CSMD1: variants seen among roughly 807,000 people sequenced by gnomAD.
The protein encoded by CSMD1 is CUB and Sushi multiple domains 1.
In CSMD1, 213 loss-of-function variants were observed where a neutral mutation model predicts 417.5. The ratio of observed to expected loss-of-function variants is 0.51; its 90% CI spans 0.46 to 0.57. CSMD1 has a LOEUF of 0.57. Among genes scored for constraint, CSMD1 ranks in the 20% least tolerant of loss-of-function variants. The pLI, the probability that CSMD1 is intolerant of heterozygous loss-of-function variation, is 0.00. For synonymous variants in CSMD1, 2,862 were observed against 1,736.8 expected (o/e 1.65, Z -16.11); for missense variants, 6,923 against 4,529.7 (o/e 1.53, Z -15.17).
At chr8:3,770,983 G>A (rs1798538132) in intron 5 of CSMD1, among the ~76,000 whole-genome samples, 1 of 149,266 alleles carries the variant, frequency 6.7e-6, no homozygotes, top group African/African-American at 2.5e-5. Context: ...ATGTTAATTT[G>A]GACAGTTTCT....
At chr8:3,842,087 C>G (rs1047618216) in intron 5 of CSMD1, among the ~76,000 whole-genome samples, 4 of 152,188 alleles carry the variant, frequency 2.6e-5, no homozygotes, top group Non-Finnish European at 4.4e-5. Context: ...CTAAATGTAA[C>G]TGGAAAACAC....
At chr8:3,537,359 TGTTTA>T (rs1798248066) in intron 10 of CSMD1, among the ~76,000 whole-genome samples, 1 of 152,198 alleles carries the variant, frequency 6.6e-6, no homozygotes, top group South Asian at 2.1e-4. Flanking sequence ...TTTTTATTGT[TGTTTA>T]GTGTACTTTT....
At chr8:4,326,190 G>T (rs1234818995) in intron 3 of CSMD1, among the ~76,000 whole-genome samples, 1 of 152,164 alleles carries the variant, frequency 6.6e-6, no homozygotes, top group African/African-American at 2.4e-5. Flanking sequence ...GCTCCCTGGG[G>T]ATGCCAATGC....
At chr8:3,923,708 C>G (rs2954612) in intron 5 of CSMD1, among the ~76,000 whole-genome samples, 20,510 of 152,124 alleles carry the variant, frequency 0.13, 1,677 homozygotes, top group East Asian at 0.31. Context: ...CAATAAATCT[C>G]TAGTTCTTAT....
chr8:4,786,147 C>A (rs1445387000), intron 1 of CSMD1, among the ~76,000 whole-genome samples: 1 of 152,156 alleles, frequency 6.6e-6, no homozygotes, highest in Non-Finnish European at 1.5e-5. Flanking sequence ...TGGATTTTAA[C>A]AGCCACTTAT....
chr8:4,764,915 C>G (rs1812358474), intron 1 of CSMD1, among the ~76,000 whole-genome samples: 1 of 139,058 alleles, frequency 7.2e-6, no homozygotes, highest in Non-Finnish European at 1.6e-5. Context: ...AAAAAAAAAC[C>G]TTTGCTGAGG....
Position 3,708,573 on chromosome 8 carries a change from C to A in CSMD1, c.932-82G>T. The A allele has an allele frequency of 3.4e-6, 4 of 1,176,612 alleles. No homozygotes were observed. The South Asian group carries it at 5.0e-5, about 15-fold the overall frequency. 72.9% of individuals were successfully genotyped at this position (1,176,612 alleles called of 1,614,324 possible). A position where few individuals can be genotyped will look rare whatever the true frequency, so the allele number is the denominator to read the frequency against. On this transcript the variant is annotated intron_variant, in intron 6 of 69. Transcript: ENST00000635120. ...GTTGTATCCACACAGCACTTCCAGT[C>A]ATAACTGCTTTCTATCAACCCCCGA...
chr8:3,204,267 T>C (rs907274223), intron 31 of CSMD1, among the ~76,000 whole-genome samples: 3 of 152,180 alleles, frequency 2.0e-5, no homozygotes, highest in Non-Finnish European at 2.9e-5. Context: ...ATGATGACAA[T>C]AATATTTTGT....
intron 26 of CSMD1, among the ~76,000 whole-genome samples, chr8:3,270,383 G>C (rs7008857): frequency 0.69 from 105,382 of 151,842 alleles, 36,667 homozygotes; most frequent in Admixed American, 0.74. Context: ...GACAGTTGTT[G>C]CTGCCTCAAG....
At chr8:3,553,305 A>T (rs1798998879) in intron 10 of CSMD1, among the ~76,000 whole-genome samples, 1 of 152,214 alleles carries the variant, frequency 6.6e-6, no homozygotes, top group African/African-American at 2.4e-5. Context: ...AAATGGAGAC[A>T]TGAGAGCCAA....
chr8:3,737,862 G>A (rs368489457), intron 6 of CSMD1, among the ~76,000 whole-genome samples: 1 of 152,206 alleles, frequency 6.6e-6, no homozygotes, highest in Admixed American at 6.5e-5. Flanking sequence ...TGTTAAGTCA[G>A]CCTTATTTAG....
rs1383930728 is a variant in CSMD1 at position 2,938,739 on chromosome 8, C to G, written c.10541G>C (p.Arg3514Thr). 3.5e-5 allele frequency: 57 copies of G among 1,606,132 alleles called. No homozygotes were observed. Among genetic ancestry groups the G allele is most frequent in the Non-Finnish European group, 4.3e-5 (51 of 1,176,014 alleles). Residue 3514 changes from arginine to threonine, a missense_variant, in exon 70 of 70, where the codon AGA (arginine) becomes ACA (threonine). Coordinates refer to ENST00000635120, the MANE Select transcript of CSMD1 (RefSeq NM_033225.6). ...ATAGCCATTGTATTGAACTTTTGGT[C>G]TCGTTCTAAGGAAAACAGAAAACAA... is the stretch of plus-strand genomic sequence containing the variant. Reference protein sequence around the residue: ...FAFYLYKHRTRPKVQYNGYAG... With the variant: ...FAFYLYKHRTTPKVQYNGYAG...
intron 21 of CSMD1, among the ~76,000 whole-genome samples, chr8:3,354,917 G>A (rs34583326): frequency 1.4e-5 from 2 of 142,068 alleles, no homozygotes; most frequent in South Asian, 2.2e-4. Flanking sequence ...CTATAGATAT[G>A]TCTATCTATA....
chr8:3,837,122 T>C (rs9314506), intron 5 of CSMD1, among the ~76,000 whole-genome samples: 60,183 of 148,462 alleles, frequency 0.41, 12,791 homozygotes, highest in East Asian at 0.6. Flanking sequence ...CAGTATTAAA[T>C]GCAAAAATTG....
At chr8:3,521,926 T>A (rs893302200) in intron 10 of CSMD1, among the ~76,000 whole-genome samples, 1 of 152,174 alleles carries the variant, frequency 6.6e-6, no homozygotes, top group Admixed American at 6.5e-5. Context: ...CCCAATTAAA[T>A]CCATATTCAT....
intron 23 of CSMD1, among the ~76,000 whole-genome samples, chr8:3,314,759 A>AAC (rs142421020): frequency 0.015 from 2,264 of 152,334 alleles, 54 homozygotes; most frequent in African/African-American, 0.051. Context: ...TGTATCTTCT[A>AAC]ACAATATTAG....
chr8:3,831,970 A>G (rs549800902), intron 5 of CSMD1, among the ~76,000 whole-genome samples: 2 of 152,316 alleles, frequency 1.3e-5, no homozygotes, highest in Admixed American at 1.3e-4. Context: ...TAGGTTTTGT[A>G]CATTTGTGTT....
At chr8:3,753,909 T>C in intron 6 of CSMD1, 21 bp downstream of exon 6, 2 of 1,531,042 alleles carry the variant, frequency 1.3e-6, no homozygotes, top group South Asian at 1.1e-5. Flanking sequence ...TTTTTTTTCT[T>C]ATAAGATGGA....
At chr8:4,050,188 T>G (rs73183981) in intron 3 of CSMD1, among the ~76,000 whole-genome samples, 2 of 152,240 alleles carry the variant, frequency 1.3e-5, no homozygotes, top group South Asian at 2.1e-4. Context: ...ACTCTGGATG[T>G]TGACTTGATC....
Sources: allele counts gnomAD v4.1 joint callset (sites outside exome capture counted in the v4.1 genomes callset), GRCh38; gene constraint gnomAD v4.1.1; transcripts MANE v1.5; gene names NCBI Gene and HGNC (gene_info 2026-07-23, HGNC 2026-07-21).